WWOX: variants seen among roughly 807,000 people sequenced by gnomAD.
WWOX encodes the protein WW domain-containing oxidoreductase.
Under a neutral mutation model 46.2 loss-of-function variants are expected in WWOX, and 69 were observed. The ratio of observed to expected loss-of-function variants is 1.49; its 90% confidence interval spans 1.23 to 1.82. The LOEUF (loss-of-function observed/expected upper bound fraction) is 1.82. Ranked by LOEUF, WWOX falls within the 40% of genes most tolerant of loss-of-function variation. The pLI, the probability that WWOX is intolerant of heterozygous loss-of-function variation, is 0.00. For missense variants in WWOX, 919 were observed against 542.6 expected (o/e 1.69, Z -6.89); for synonymous variants, 359 against 202.6 (o/e 1.77, Z -6.56).
At chr16:78,847,983 G>C (rs906790490) in intron 8 of WWOX, among the ~76,000 whole-genome samples, 1 of 152,138 alleles carries the variant, frequency 6.6e-6, no homozygotes, top group African/African-American at 2.4e-5. Flanking sequence ...GCCACATAAA[G>C]GGAGAGTGGT....
At chr16:78,608,901 G>T (rs945949444) in intron 8 of WWOX, among the ~76,000 whole-genome samples, 1 of 152,122 alleles carries the variant, frequency 6.6e-6, no homozygotes, top group Non-Finnish European at 1.5e-5. Context: ...GTCTGACCTC[G>T]GAAACTTCCT....
intron 8 of WWOX, among the ~76,000 whole-genome samples, chr16:78,793,424 C>G (rs1483890510): frequency 1.3e-5 from 2 of 152,174 alleles, no homozygotes; most frequent in Non-Finnish European, 2.9e-5. Flanking sequence ...CTGCTCTCCA[C>G]TCAAGAATAC....
Position 79,040,693 on chromosome 16 carries a change from C to T in WWOX, c.1057-170915C>T, listed in dbSNP as rs1261749265. On this transcript the variant is annotated intron_variant, in intron 8 of 8. Coordinates refer to ENST00000566780, the MANE Select transcript of WWOX (RefSeq NM_016373.4). ...CATCAACCCCTCCCCAGCTACCCTG[C>T]AAAAGAGTCACAGATCATTGGGATA... 2.0e-5 allele frequency among the ~76,000 whole-genome samples: 3 copies of T among 152,246 alleles called. No homozygotes were observed. The East Asian group carries it at 5.8e-4, about 29-fold the overall frequency.
intron 8 of WWOX, among the ~76,000 whole-genome samples, chr16:78,540,865 T>A (rs1254611856): frequency 6.6e-6 from 1 of 152,044 alleles, no homozygotes. Context: ...TAAAAATTTT[T>A]CTTAGAGGTA....
chr16:79,125,479 C>T (rs1338204741), intron 8 of WWOX, among the ~76,000 whole-genome samples: 1 of 152,196 alleles, frequency 6.6e-6, no homozygotes, highest in Non-Finnish European at 1.5e-5. Flanking sequence ...TTTCATGTGG[C>T]ATTTTTATGG....
chr16:78,879,877 C>CAAA (rs11433743), intron 8 of WWOX, among the ~76,000 whole-genome samples: 24 of 145,912 alleles, frequency 1.6e-4, no homozygotes, highest in African/African-American at 4.3e-4. Flanking sequence ...AACTCTGTCT[C>CAAA]AAAAAAAAAA....
rs139852816 is a variant in WWOX, at chr16:78,240,209, G to C, written c.516+75920G>C. Reference sequence around the variant, plus strand: ...GAAGAGGAAAGCAGGGGGCACAGTGGTGGGTGTGCCTGCAATCCCAGCTAC... The same window carrying C: ...GAAGAGGAAAGCAGGGGGCACAGTGCTGGGTGTGCCTGCAATCCCAGCTAC... On this transcript the variant is annotated intron_variant, in intron 5 of 8. Transcript: ENST00000566780. Among the ~76,000 whole-genome samples, 356 of 152,188 alleles carry C rather than the reference G, an allele frequency of 2.3e-3. 2 individuals are homozygous for C. Among genetic ancestry groups the C allele is most frequent in the Middle Eastern group, 0.017 (5 of 294 alleles).
In WWOX at chr16:78,626,084, A is replaced by C. The variant is rs192289517; in HGVS notation, c.1056+193332A>C. Among the ~76,000 whole-genome samples the C allele has an allele frequency of 1.6e-3, 237 of 151,786 alleles. 2 individuals are homozygous for C. The highest frequency in any genetic ancestry group is 5.4e-3 in the African/African-American group (222 of 41,412). On this transcript the variant is annotated intron_variant, in intron 8 of 8. Transcript: ENST00000566780. The stretch of plus-strand genomic sequence containing the variant: ...AGGTTTTTAAAAAATTTTTTACCTA[A>C]TGACTTTTTTGTGTTCCAGGAGCCC...
intron 5 of WWOX, among the ~76,000 whole-genome samples, chr16:78,336,505 CAA>C (rs386385163): frequency 0.052 from 3,824 of 74,084 alleles, 108 homozygotes; most frequent in African/African-American, 0.17. Context: ...GACTATGTCT[CAA>C]AAAAAAAAAA....
At chr16:78,722,639 A>G (rs1241006951) in intron 8 of WWOX, among the ~76,000 whole-genome samples, 3 of 151,794 alleles carry the variant, frequency 2.0e-5, no homozygotes, top group African/African-American at 7.3e-5. Context: ...GGAAAGACTA[A>G]CAAGAGTAGA....
At chr16:79,044,943 C>G (rs978060421) in intron 8 of WWOX, among the ~76,000 whole-genome samples, 5 of 152,068 alleles carry the variant, frequency 3.3e-5, no homozygotes, top group African/African-American at 9.7e-5. Flanking sequence ...CTACAATAAT[C>G]AATGAGATAA....
At chr16:78,810,974 G>A (rs1035006642) in intron 8 of WWOX, among the ~76,000 whole-genome samples, 5 of 152,152 alleles carry the variant, frequency 3.3e-5, no homozygotes, top group Non-Finnish European at 7.3e-5. Context: ...AAGCATATTT[G>A]GTGAACCGAG....
intron 5 of WWOX, among the ~76,000 whole-genome samples, chr16:78,332,936 A>G (rs2080794622): frequency 1.3e-5 from 2 of 152,106 alleles, no homozygotes; most frequent in Non-Finnish European, 2.9e-5. Context: ...TATAATAATC[A>G]TAAACCATGT....
chr16:78,958,574 A>C (rs928824919), intron 8 of WWOX, among the ~76,000 whole-genome samples: 3 of 152,356 alleles, frequency 2.0e-5, no homozygotes, highest in Middle Eastern at 3.4e-3. Flanking sequence ...TAAGCTGAAC[A>C]GTGTTTTTTA....
At chr16:78,544,416 T>G (rs575391605) in intron 8 of WWOX, among the ~76,000 whole-genome samples, 2 of 152,216 alleles carry the variant, frequency 1.3e-5, no homozygotes, top group African/African-American at 4.8e-5. Flanking sequence ...TATCTTCATC[T>G]TATTAAGTAG....
chr16:79,024,362 G>C (rs977102581), intron 8 of WWOX, among the ~76,000 whole-genome samples: 3 of 152,162 alleles, frequency 2.0e-5, no homozygotes, highest in Admixed American at 6.5e-5. Flanking sequence ...AAGGTGAAGA[G>C]ACCCTCCCAC....
At position 78,163,325 on chromosome 16, in the gene WWOX, C is replaced by G. The variant is rs80061648; in HGVS notation, c.410-858C>G. Among the ~76,000 whole-genome samples, 2,902 of 152,294 alleles carry G rather than the reference C, an allele frequency of 0.019. 190 individuals carry two copies. The East Asian group carries it at 0.24, about 13-fold the overall frequency. On this transcript the variant is annotated intron_variant, in intron 4 of 8. Transcript: ENST00000566780. ...GAAATGGCCTGAAGCTGAGTTTCCACTCTTGTGAAGGCTGGACTGTCTCTT... is the reference window on the plus strand; with the variant it reads ...GAAATGGCCTGAAGCTGAGTTTCCAGTCTTGTGAAGGCTGGACTGTCTCTT...
At chr16:78,715,847 A>T (rs533584276) in intron 8 of WWOX, among the ~76,000 whole-genome samples, 1 of 152,074 alleles carries the variant, frequency 6.6e-6, no homozygotes, top group African/African-American at 2.4e-5. Context: ...GCATGTGTCT[A>T]TTTGGCATGG....
chr16:79,085,819 G>A (rs1216618298), intron 8 of WWOX, among the ~76,000 whole-genome samples: 2 of 152,176 alleles, frequency 1.3e-5, no homozygotes, highest in Non-Finnish European at 2.9e-5. Context: ...GCTGAGACTG[G>A]AGGATCACTT....
Sources: allele counts gnomAD v4.1 joint callset (sites outside exome capture counted in the v4.1 genomes callset), GRCh38; gene constraint gnomAD v4.1.1; transcripts MANE v1.5; gene names NCBI Gene and HGNC (gene_info 2026-07-23, HGNC 2026-07-21).